Variants in ZMYM2 observed in about 807,000 individuals in gnomAD.
ZMYM2 encodes zinc finger MYM-type containing 2.
Under a neutral mutation model 162.8 loss-of-function variants are expected in ZMYM2, and 56 were observed. The ratio of observed to expected loss-of-function variants is 0.34; its 90% confidence interval spans 0.28 to 0.43. The LOEUF (loss-of-function observed/expected upper bound fraction) is 0.43. Among genes scored for constraint, ZMYM2 ranks in the 20% least tolerant of loss-of-function variants. The pLI, the probability that ZMYM2 is intolerant of heterozygous loss-of-function variation, is 1.00. For synonymous variants in ZMYM2, 510 were observed against 541.6 expected, an observed-to-expected ratio of 0.94 and a Z score of 0.81; for missense variants, 1,275 against 1,621.8, an observed-to-expected ratio of 0.79 and a Z score of 3.67.
chr13:19,921,688 C>T, the ZMYM2 span, among the ~76,000 whole-genome samples: 1 of 152,120 alleles, frequency 6.6e-6, no homozygotes, highest in Admixed American at 6.5e-5. Flanking sequence ...TATGGTTCTT[C>T]AAATAACTTT....
the ZMYM2 span, among the ~76,000 whole-genome samples, chr13:19,899,451 A>G: frequency 4.6e-5 from 7 of 152,050 alleles, no homozygotes; most frequent in Non-Finnish European, 1.0e-4. Context: ...AAGAACAACT[A>G]AAACCAAAGC....
chr13:20,005,063 T>G lies in ZMYM2; in HGVS notation c.1134-11T>G. On this transcript the variant is annotated splice_polypyrimidine_tract_variant and intron_variant, in intron 4 of 24. Coordinates refer to ENST00000610343, the MANE Select transcript of ZMYM2 (RefSeq NM_197968.4). ...AAAATGGAATTTTAATATGTACCAC[T>G]TATTTTTCAGAGATATAACTACAAT... The G allele has an allele frequency of 1.3e-6, 2 of 1,588,328 alleles. No individual in the cohort carries two copies. Among genetic ancestry groups the G allele is most frequent in the Non-Finnish European group, 1.7e-6 (2 of 1,171,856 alleles).
At chr13:20,047,993 G>A (rs1459420771) in intron 12 of ZMYM2, among the ~76,000 whole-genome samples, 6 of 151,928 alleles carry the variant, frequency 3.9e-5, no homozygotes, top group Non-Finnish European at 7.4e-5. Context: ...ATTTAGTATT[G>A]TAATACAATA....
chr13:19,919,349 C>G, the ZMYM2 span, among the ~76,000 whole-genome samples: 2 of 152,128 alleles, frequency 1.3e-5, no homozygotes, highest in African/African-American at 4.8e-5. Flanking sequence ...TTTCATTTCT[C>G]TGGGATAAAT....
rs932974321 is a variant in ZMYM2, at chr13:20,000,253, G to C, written c.848-2597G>C. ...AACTGAGAGAGATAAGGAAACAAAA[G>C]AAAAGTTTGAAGCTAGTAAAGGTTG... On this transcript the variant is annotated intron_variant, in intron 3 of 24. Coordinates refer to ENST00000610343, the MANE Select transcript of ZMYM2 (RefSeq NM_197968.4). Among the ~76,000 whole-genome samples, 8 of 152,282 alleles carry C rather than the reference G, an allele frequency of 5.3e-5. No individual in the cohort carries two copies. In the East Asian group the frequency reaches 9.6e-4, roughly 18 times the overall value.
intron 2 of ZMYM2, among the ~76,000 whole-genome samples, chr13:19,986,227 CA>C (rs71650297): frequency 6.6e-6 from 1 of 151,762 alleles, no homozygotes; most frequent in Non-Finnish European, 1.5e-5. Context: ...AACAAACAAA[CA>C]AAAAGAAGGG....
chr13:19,920,099 G>A, the ZMYM2 span, among the ~76,000 whole-genome samples: 1 of 152,154 alleles, frequency 6.6e-6, no homozygotes, highest in Non-Finnish European at 1.5e-5. Context: ...GTGAGCCAGT[G>A]AAGCTGGCCA....
At chr13:19,886,266 G>A in the ZMYM2 span, among the ~76,000 whole-genome samples, 1 of 142,516 alleles carries the variant, frequency 7.0e-6, no homozygotes, top group Non-Finnish European at 1.5e-5. Context: ...CTGGGTTCAA[G>A]CGATTCTCCT....
intron 21 of ZMYM2, among the ~76,000 whole-genome samples, chr13:20,069,811 T>A (rs1956944780): frequency 6.6e-6 from 1 of 151,564 alleles, no homozygotes. Context: ...TAAAGAACAT[T>A]GTTCTATGAA....
the ZMYM2 span, among the ~76,000 whole-genome samples, chr13:19,885,865 A>G: frequency 5.0e-5 from 5 of 100,026 alleles, 1 homozygote; most frequent in East Asian, 1.5e-3. Context: ...AAAAAAAAAT[A>G]TATATATGTA....
the ZMYM2 span, among the ~76,000 whole-genome samples, chr13:19,904,347 C>T: frequency 0.03 from 4,595 of 151,316 alleles, 96 homozygotes; most frequent in Middle Eastern, 0.054. Flanking sequence ...ACATGAGGTC[C>T]GGAGTTCGCG....
At chr13:20,014,202 T>A (rs1951424113) in intron 6 of ZMYM2, among the ~76,000 whole-genome samples, 1 of 152,114 alleles carries the variant, frequency 6.6e-6, no homozygotes, top group African/African-American at 2.4e-5. Context: ...GCTTCCTGAG[T>A]AGCTGGGACT....
chr13:20,068,582 G>A (rs1395745767), intron 21 of ZMYM2, among the ~76,000 whole-genome samples: 1 of 152,128 alleles, frequency 6.6e-6, no homozygotes, highest in African/African-American at 2.4e-5. Context: ...GGTTCTGGCT[G>A]AGGGGTTGAA....
intron 1 of ZMYM2, among the ~76,000 whole-genome samples, chr13:19,959,198 G>A (rs1321910144): frequency 6.7e-6 from 1 of 148,466 alleles, no homozygotes. Flanking sequence ...GCGGGACGGC[G>A]GGGCGGGGGT....
At chr13:20,013,432 T>C (rs1380591400) in intron 6 of ZMYM2, among the ~76,000 whole-genome samples, 3 of 152,242 alleles carry the variant, frequency 2.0e-5, no homozygotes, top group Non-Finnish European at 4.4e-5. Flanking sequence ...GGATGCATTT[T>C]ATTTCTTAAC....
At chr13:20,064,409 G>C in intron 18 of ZMYM2, 42 bp from the exon 19 acceptor site, 1 of 1,517,318 alleles carries the variant, frequency 6.6e-7, no homozygotes, top group Non-Finnish European at 8.9e-7. Flanking sequence ...ATGTAACCCT[G>C]TGCTATTTCA....
At chr13:20,069,260 A>G (rs543266813) in intron 21 of ZMYM2, among the ~76,000 whole-genome samples, 2 of 152,146 alleles carry the variant, frequency 1.3e-5, no homozygotes, top group East Asian at 3.9e-4. Context: ...GCTTTACTAC[A>G]TTGCTTGAAA....
chr13:19,988,781 CAAAAA>C (rs778712045), intron 2 of ZMYM2, among the ~76,000 whole-genome samples: 3 of 149,092 alleles, frequency 2.0e-5, no homozygotes, highest in African/African-American at 7.4e-5. Flanking sequence ...GACTCCATCT[CAAAAA>C]AAAAGAAAAG....
intron 2 of ZMYM2, among the ~76,000 whole-genome samples, chr13:19,992,033 TC>T (rs1949669023): frequency 6.6e-6 from 1 of 152,154 alleles, no homozygotes; most frequent in African/African-American, 2.4e-5. Context: ...ATCTGCAAAG[TC>T]CCTTTTTCCA....
Sources: gnomAD v4.1 joint callset for allele counts (sites outside exome capture counted in the v4.1 genomes callset) on GRCh38, gnomAD v4.1.1 for gene constraint, MANE v1.5 for transcripts, NCBI Gene and HGNC (gene_info 2026-07-23, HGNC 2026-07-21) for gene names.